Variants in TREML4 observed in about 807,000 individuals in gnomAD.
The protein encoded by TREML4 is trem-like transcript 4 protein.
In TREML4, 25 loss-of-function variants were observed where a neutral mutation model predicts 25.4. The observed-to-expected ratio is 0.98, with a 90% CI of 0.72 to 1.37. TREML4 has a LOEUF of 1.37. TREML4 is among the 40% of genes most tolerant of loss of function. TREML4 has a pLI of 0.00. For missense variants in TREML4, 268 were observed against 236.5 expected, an observed-to-expected ratio of 1.13 and a Z score of -0.87; for synonymous variants, 92 against 87.9, an observed-to-expected ratio of 1.05 and a Z score of -0.26.
At chr6:41,235,749 T>C (rs1467849271) in intron 4 of TREML4, among the ~76,000 whole-genome samples, 2 of 152,098 alleles carry the variant, frequency 1.3e-5, no homozygotes, top group East Asian at 1.9e-4. Flanking sequence ...TTAAATGTAA[T>C]CCCAAACACA....
intron 4 of TREML4, among the ~76,000 whole-genome samples, chr6:41,235,683 T>A (rs1198812840): frequency 1.3e-5 from 2 of 152,202 alleles, no homozygotes; most frequent in African/African-American, 4.8e-5. Context: ...AATCCATGAC[T>A]TTGGAAGAGG....
chr6:41,233,504 G>C (rs1766839935), intron 4 of TREML4, among the ~76,000 whole-genome samples: 1 of 152,040 alleles, frequency 6.6e-6, no homozygotes, highest in Non-Finnish European at 1.5e-5. Flanking sequence ...TTATAAAAAA[G>C]ACAAAGATAT....
At chr6:41,234,474 T>G (rs990691399) in intron 4 of TREML4, among the ~76,000 whole-genome samples, 1 of 151,942 alleles carries the variant, frequency 6.6e-6, no homozygotes, top group Non-Finnish European at 1.5e-5. Context: ...CATAATTCAT[T>G]CTTTAAAAGT....
Position 41,228,401 on chromosome 6 carries a change from C to G in TREML4, c.-27C>G. On this transcript the variant is annotated 5_prime_UTR_variant, in exon 1 of 6. Transcript: ENST00000341495. ...GGGCTCCCTTTTTTCTCCTCTCCTC[C>G]GCTGTCAGAAACAGATCTGGGCTGG... 6.3e-7 allele frequency: 1 copy of G among 1,585,666 alleles called. No individual in the cohort carries two copies. The highest frequency in any genetic ancestry group is 8.6e-7 in the Non-Finnish European group (1 of 1,163,776).
chr6:41,230,691 TCTC>T (rs1766779742), intron 4 of TREML4, among the ~76,000 whole-genome samples: 4 of 152,138 alleles, frequency 2.6e-5, no homozygotes, highest in Admixed American at 2.0e-4. Flanking sequence ...GTAGCCCTCT[TCTC>T]CTGCAAACTC....
chr6:41,234,727 T>C (rs1766866581), intron 4 of TREML4, among the ~76,000 whole-genome samples: 1 of 151,840 alleles, frequency 6.6e-6, no homozygotes, highest in Non-Finnish European at 1.5e-5. Flanking sequence ...AAACAGTTGA[T>C]AAGACCCATC....
chr6:41,229,131 A>G (rs144109577), intron 2 of TREML4, 87 bp downstream of exon 2: 14,737 of 1,200,628 alleles, frequency 0.012, 389 homozygotes, highest in South Asian at 0.086. Context: ...TGCCTCTATC[A>G]TCCCCCATCC....
chr6:41,232,026 GCTTTCAGAT>G (rs1561902284), intron 4 of TREML4, among the ~76,000 whole-genome samples: 1 of 152,212 alleles, frequency 6.6e-6, no homozygotes, highest in African/African-American at 2.4e-5. Flanking sequence ...ATGTCTGCAC[GCTTTCAGAT>G]CACCTACAAA....
At chr6:41,230,020 T>A (rs756426103) in intron 3 of TREML4, 42 bp from the exon 4 acceptor site, 4 of 1,533,138 alleles carry the variant, frequency 2.6e-6, no homozygotes, top group Non-Finnish European at 2.7e-6. Context: ...TTCTCTATTC[T>A]GGTGCCCTGG....
At chr6:41,235,455 A>T (rs1355956525) in intron 4 of TREML4, among the ~76,000 whole-genome samples, 1 of 152,200 alleles carries the variant, frequency 6.6e-6, no homozygotes, top group Non-Finnish European at 1.5e-5. Flanking sequence ...AAACTATTAG[A>T]TCTCACAAGA....
At chr6:41,231,172 GATA>G (rs1250896337) in intron 4 of TREML4, 1 of 338,570 alleles carries the variant, frequency 3.0e-6, no homozygotes, top group Non-Finnish European at 6.2e-6. Flanking sequence ...ATTACAACAT[GATA>G]ATAATAGAAA....
chr6:41,230,545 C>T lies in TREML4; in HGVS notation c.506+423C>T, dbSNP rs368534693. 2.6e-5 allele frequency among the ~76,000 whole-genome samples: 4 copies of T among 152,174 alleles called. No individual in the cohort carries two copies. The East Asian group carries it at 5.8e-4, about 22-fold the overall frequency. On this transcript the variant is annotated intron_variant, in intron 4 of 5. Transcript: ENST00000341495. ...ATTCTTGCAGTCATGGGTTTTGAGGCCATGACGGCCTCCCCTTCACTGGAG... is the reference window on the plus strand; with the variant it reads ...ATTCTTGCAGTCATGGGTTTTGAGGTCATGACGGCCTCCCCTTCACTGGAG...
At chr6:41,233,390 AG>A (rs1464623173) in intron 4 of TREML4, among the ~76,000 whole-genome samples, 10 of 152,250 alleles carry the variant, frequency 6.6e-5, no homozygotes, top group African/African-American at 2.4e-4. Flanking sequence ...GTTAAAAGTT[AG>A]AAAAATATAT....
intron 4 of TREML4, chr6:41,231,049 A>T (rs995460420): frequency 2.7e-5 from 11 of 403,578 alleles, no homozygotes; most frequent in Non-Finnish European, 5.0e-5. Context: ...ATGGCTAATG[A>T]TCTGTCACTG....
chr6:41,231,962 A>C (rs931669143), intron 4 of TREML4, among the ~76,000 whole-genome samples: 1 of 152,232 alleles, frequency 6.6e-6, no homozygotes, highest in Admixed American at 6.5e-5. Flanking sequence ...CACACACACA[A>C]AAATACCTCT....
chr6:41,232,366 T>C (rs906934432), intron 4 of TREML4: 1 of 407,518 alleles, frequency 2.5e-6, no homozygotes, highest in Non-Finnish European at 5.1e-6. Flanking sequence ...TTTATAGGAA[T>C]GGCAGCTAAG....
Position 41,238,662 on chromosome 6 carries a change from T to C in TREML4, c.*1643T>C, listed in dbSNP as rs1766946344. 1 of 152,186 alleles carries C rather than the reference T, an allele frequency of 6.6e-6. No homozygotes were observed. Among genetic ancestry groups the C allele is most frequent in the Admixed American group, 6.5e-5 (1 of 15,284 alleles). The allele number at this position is 152,186 out of a possible 1,614,324, so 9.4% of individuals were successfully genotyped here. ...AGACATCTAATTAATACTGCCAGCT[T>C]GTGTTGCCTGAACCAAGAATCTAGA... On this transcript the variant is annotated 3_prime_UTR_variant, in exon 6 of 6. Coordinates refer to ENST00000341495, the MANE Select transcript of TREML4 (RefSeq NM_198153.3).
Position 41,236,610 on chromosome 6 carries a change from T to A in TREML4, c.*28T>A. The stretch of plus-strand genomic sequence containing the variant: ...CCTGTTAGTGCTCCTGATCTGCAGG[T>A]GCCACAGGTGAGGGGGCCTGGATTT... On this transcript the variant is annotated 3_prime_UTR_variant, in exon 5 of 6. Transcript: ENST00000341495. The A allele has an allele frequency of 6.4e-7, 1 of 1,562,156 alleles. No individual in the cohort carries two copies.
rs879606925 is a variant in TREML4 at position 41,237,732 on chromosome 6, G to T, written c.*713G>T. The T allele has an allele frequency of 6.6e-6, 1 of 152,154 alleles. No homozygotes were observed. The highest frequency in any genetic ancestry group is 1.9e-4 in the East Asian group (1 of 5,198). 9.4% of individuals were successfully genotyped at this position (152,154 alleles called of 1,614,324 possible). Reference sequence around the variant, plus strand: ...AGAAGTAAAAGAAAAAATTAGATGCGTTAAAATGACATGAGCAGGCGACTC... The same window carrying T: ...AGAAGTAAAAGAAAAAATTAGATGCTTTAAAATGACATGAGCAGGCGACTC... On this transcript the variant is annotated 3_prime_UTR_variant, in exon 6 of 6. Coordinates refer to ENST00000341495, the MANE Select transcript of TREML4 (RefSeq NM_198153.3).
Sources: allele counts gnomAD v4.1 joint callset (sites outside exome capture counted in the v4.1 genomes callset), GRCh38; gene constraint gnomAD v4.1.1; transcripts MANE v1.5; gene names NCBI Gene and HGNC (gene_info 2026-07-23, HGNC 2026-07-21).